RANBP2: variants seen among roughly 807,000 people sequenced by gnomAD.
RANBP2 encodes the protein RAN binding protein 2, also known as E3 SUMO-protein ligase RanBP2.
Under a neutral mutation model 303.6 loss-of-function variants are expected in RANBP2, and 57 were observed. The ratio of observed to expected loss-of-function variants is 0.19; its 90% CI spans 0.15 to 0.23. RANBP2 has a LOEUF of 0.23. Among genes scored for constraint, RANBP2 ranks in the 10% least tolerant of loss-of-function variants. The probability of loss-of-function intolerance (pLI) is 1.00; values close to 1 mark genes in which losing one functional copy is unlikely to be tolerated. For synonymous variants in RANBP2, 1,167 were observed against 1,301.5 expected, an observed-to-expected ratio of 0.90 and a Z score of 2.23; for missense variants, 3,138 against 3,780.8, an observed-to-expected ratio of 0.83 and a Z score of 4.46.
the RANBP2 span, among the ~76,000 whole-genome samples, chr2:109,588,523 T>C: frequency 1.3e-5 from 2 of 152,116 alleles, no homozygotes; most frequent in Non-Finnish European, 2.9e-5. Context: ...AGATGGAGTT[T>C]TGCTCTTTCG....
the RANBP2 span, among the ~76,000 whole-genome samples, chr2:108,843,844 T>TGTGTGTG: frequency 4.4e-5 from 1 of 22,836 alleles, no homozygotes; most frequent in African/African-American, 6.5e-5. Context: ...AGTTCATGTT[T>TGTGTGTG]TGTGTGTGTG....
At chr2:109,129,904 C>T in the RANBP2 span, 1 of 1,507,378 alleles carries the variant, frequency 6.6e-7, no homozygotes, top group Non-Finnish European at 8.8e-7. Context: ...GGACGGCATC[C>T]GTCAGCGGCC....
At chr2:109,124,946 C>T in the RANBP2 span, among the ~76,000 whole-genome samples, 2 of 152,306 alleles carry the variant, frequency 1.3e-5, no homozygotes, top group East Asian at 1.9e-4. Flanking sequence ...TAATGTGCAT[C>T]AATTTGGGTT....
At chr2:109,230,668 G>A in the RANBP2 span, among the ~76,000 whole-genome samples, 2 of 152,210 alleles carry the variant, frequency 1.3e-5, no homozygotes, top group Non-Finnish European at 2.9e-5. Context: ...TAAACCCATT[G>A]TAATGTCAGA....
At chr2:109,512,852 G>C in the RANBP2 span, among the ~76,000 whole-genome samples, 1 of 152,172 alleles carries the variant, frequency 6.6e-6, no homozygotes, top group Non-Finnish European at 1.5e-5. Context: ...GGCCAGCAAG[G>C]GAGCAGCCGC....
the RANBP2 span, among the ~76,000 whole-genome samples, chr2:108,991,335 T>C: frequency 2.0e-5 from 3 of 152,262 alleles, no homozygotes; most frequent in African/African-American, 7.2e-5. Flanking sequence ...TATGTGATTT[T>C]CTGTTTTATA....
chr2:108,725,461 A>G (rs1694624962), intron 1 of RANBP2, among the ~76,000 whole-genome samples: 1 of 152,168 alleles, frequency 6.6e-6, no homozygotes, highest in Non-Finnish European at 1.5e-5. Context: ...CTATTTCTTC[A>G]TTTTGAAAAG....
chr2:108,775,671 A>G (rs2149311098), intron 23 of RANBP2, 61 bp from the exon 24 acceptor site: 1 of 1,552,624 alleles, frequency 6.4e-7, no homozygotes, highest in South Asian at 1.1e-5. Context: ...AATAGATTAT[A>G]TAATCTGTTT....
chr2:109,293,576 C>A, the RANBP2 span, among the ~76,000 whole-genome samples: 1 of 152,218 alleles, frequency 6.6e-6, no homozygotes. Flanking sequence ...GGGTGTGAAG[C>A]CCATGCCAAC....
At chr2:109,510,967 C>T in the RANBP2 span, among the ~76,000 whole-genome samples, 11 of 152,156 alleles carry the variant, frequency 7.2e-5, no homozygotes, top group African/African-American at 1.9e-4. Flanking sequence ...CCACCCTCTG[C>T]GCCCGCCCCA....
chr2:109,359,919 G>A, the RANBP2 span, among the ~76,000 whole-genome samples: 2,851 of 152,212 alleles, frequency 0.019, 65 homozygotes, highest in African/African-American at 0.055. Flanking sequence ...GGTTCTCCAC[G>A]TGAAAAGAGA....
the RANBP2 span, among the ~76,000 whole-genome samples, chr2:109,713,613 C>A: frequency 6.6e-6 from 1 of 152,196 alleles, no homozygotes; most frequent in African/African-American, 2.4e-5. Context: ...TAGGTACTAG[C>A]TCTGCAGAAG....
the RANBP2 span, among the ~76,000 whole-genome samples, chr2:109,276,034 G>C: frequency 1.3e-5 from 2 of 152,218 alleles, no homozygotes; most frequent in South Asian, 4.1e-4. Flanking sequence ...TCATGGTTCA[G>C]TTGGCAGAGA....
At chr2:109,519,000 C>T in the RANBP2 span, among the ~76,000 whole-genome samples, 3 of 148,308 alleles carry the variant, frequency 2.0e-5, no homozygotes, top group African/African-American at 7.6e-5. Flanking sequence ...CTCACTGCAT[C>T]CTCCGCCTCC....
chr2:108,794,638 A>G, the RANBP2 span: 1 of 1,614,140 alleles, frequency 6.2e-7, no homozygotes. Flanking sequence ...TCCAAAATCT[A>G]AAGCATCAGA....
the RANBP2 span, among the ~76,000 whole-genome samples, chr2:108,993,055 C>T: frequency 6.6e-6 from 1 of 152,184 alleles, no homozygotes; most frequent in African/African-American, 2.4e-5. Context: ...TTAGGAACCA[C>T]ACCTTCCTAG....
the RANBP2 span, among the ~76,000 whole-genome samples, chr2:109,463,199 C>T: frequency 6.6e-6 from 1 of 152,226 alleles, no homozygotes; most frequent in African/African-American, 2.4e-5. Flanking sequence ...GTTTACACAG[C>T]TCAAGTAAGA....
At chr2:109,010,434 T>C in the RANBP2 span, among the ~76,000 whole-genome samples, 1 of 150,660 alleles carries the variant, frequency 6.6e-6, no homozygotes, top group Non-Finnish European at 1.5e-5. Context: ...ATCATGTGCA[T>C]GCATCTTAGT....
At chr2:109,290,140 A>G in the RANBP2 span, among the ~76,000 whole-genome samples, 1 of 152,194 alleles carries the variant, frequency 6.6e-6, no homozygotes, top group African/African-American at 2.4e-5. Flanking sequence ...ATAGATGACC[A>G]AAGTTGCATG....
Sources: gnomAD v4.1 joint callset for allele counts (sites outside exome capture counted in the v4.1 genomes callset) on GRCh38, gnomAD v4.1.1 for gene constraint, MANE v1.5 for transcripts, NCBI Gene and HGNC (gene_info 2026-07-23, HGNC 2026-07-21) for gene names.